The following MAFB variants were observed in gnomAD, a reference collection of about 807,000 sequenced individuals.
MAFB encodes MAF bZIP transcription factor B.
In MAFB, 3 loss-of-function variants were observed where a neutral mutation model predicts 17.7. That is an observed-to-expected ratio of 0.17 (90% CI 0.08 to 0.44). MAFB has a LOEUF of 0.44. Ranked by LOEUF, MAFB falls within the 20% of genes least tolerant of loss-of-function variation. MAFB has a pLI of 0.99. For synonymous variants in MAFB, 214 were observed against 211.5 expected (o/e 1.01, Z -0.10); for missense variants, 355 against 461.3 (o/e 0.77, Z 2.11).
chr20:40,687,354 T>G lies in MAFB; in HGVS notation c.*525A>C, dbSNP rs1006774052. ...CCTGTGTCTCAGGGCTGAGAGCCAG[T>G]GTTCTCCGAACTCTGACAGACAGGT... On this transcript the variant is annotated 3_prime_UTR_variant, in exon 1 of 1. Transcript: ENST00000373313. 1 of 397,208 alleles carries G rather than the reference T, an allele frequency of 2.5e-6. No homozygotes were observed. Among genetic ancestry groups the G allele is most frequent in the Non-Finnish European group, 4.4e-6 (1 of 225,352 alleles). 24.6% of individuals were successfully genotyped at this position (397,208 alleles called of 1,614,324 possible). A position where few individuals can be genotyped will look rare whatever the true frequency, so the allele number is the denominator to read the frequency against.
chr20:40,686,737 T>G lies in MAFB; in HGVS notation c.*1142A>C. The G allele has an allele frequency of 2.5e-6, 1 of 398,700 alleles. No homozygotes were observed. Among genetic ancestry groups the G allele is most frequent in the East Asian group, 3.6e-5 (1 of 28,086 alleles). 24.7% of individuals were successfully genotyped at this position (398,700 alleles called of 1,614,324 possible). ...ACAAGGCTGTAGTCCAGAACACTCC[T>G]CTGGGGTGCGGAGCTTGGCAGCTTC... is the stretch of plus-strand genomic sequence containing the variant. On this transcript the variant is annotated 3_prime_UTR_variant, in exon 1 of 1. Coordinates refer to ENST00000373313, the MANE Select transcript of MAFB (RefSeq NM_005461.5).
Position 40,689,184 on chromosome 20 carries a change from T to G in MAFB, c.-334A>C. ...GCCCGTTGCTCGCTCTCTAGCTCTCTTGCTCTTACGCTCTCTCGCTCGCAG... is the reference window on the plus strand; with the variant it reads ...GCCCGTTGCTCGCTCTCTAGCTCTCGTGCTCTTACGCTCTCTCGCTCGCAG... On this transcript the variant is annotated 5_prime_UTR_variant, in exon 1 of 1. Transcript: ENST00000373313. 2 of 347,250 alleles carry G rather than the reference T, an allele frequency of 5.8e-6. No individual in the cohort carries two copies. The highest frequency in any genetic ancestry group is 1.1e-5 in the Non-Finnish European group (2 of 189,990). 21.5% of individuals were successfully genotyped at this position (347,250 alleles called of 1,614,324 possible). A position where few individuals can be genotyped will look rare whatever the true frequency, so the allele number is the denominator to read the frequency against.
Position 40,687,720 on chromosome 20 carries a change from C to A in MAFB, c.*159G>T, listed in dbSNP as rs1032221236. On this transcript the variant is annotated 3_prime_UTR_variant, in exon 1 of 1. Transcript: ENST00000373313. Reference sequence around the variant, plus strand: ...TCCCCTGCCCGCCCGCGCACCCGCCCGTCGCCCGCGGCCCGCGCGCCCTTC... The same window carrying A: ...TCCCCTGCCCGCCCGCGCACCCGCCAGTCGCCCGCGGCCCGCGCGCCCTTC... 1.1e-6 allele frequency: 1 copy of A among 926,678 alleles called. No individual in the cohort carries two copies. Among genetic ancestry groups the A allele is most frequent in the Admixed American group, 2.9e-5 (1 of 34,502 alleles). The allele number at this position is 926,678 out of a possible 1,614,324, so 57.4% of individuals were successfully genotyped here. A position where few individuals can be genotyped will look rare whatever the true frequency, so the allele number is the denominator to read the frequency against.
Position 40,687,909 on chromosome 20 carries a change from G to T in MAFB, c.942C>A (p.Asp314Glu), listed in dbSNP as rs1986869729. 6.2e-7 allele frequency: 1 copy of T among 1,612,298 alleles called. No individual in the cohort carries two copies. ...GAAAGAACTCGGGAGAGGAGGGGCT[G>T]TCGCTGGTGGAGCCCGCCTCCCTGA... ...SGFREAGSTS[D>E]SPSSPEFFL The change falls in exon 1 of 1, where the codon GAC (aspartate) becomes GAA (glutamate). Residue 314 changes from aspartate (D) to glutamate (E), a missense_variant. Coordinates refer to ENST00000373313, the MANE Select transcript of MAFB (RefSeq NM_005461.5).
rs1600428075 is a variant in MAFB at position 40,687,345 on chromosome 20, G to T, written c.*534C>A. On this transcript the variant is annotated 3_prime_UTR_variant, in exon 1 of 1. Coordinates refer to ENST00000373313, the MANE Select transcript of MAFB (RefSeq NM_005461.5). Reference sequence around the variant, plus strand: ...TAACTGAGGCCTGTGTCTCAGGGCTGAGAGCCAGTGTTCTCCGAACTCTGA... The same window carrying T: ...TAACTGAGGCCTGTGTCTCAGGGCTTAGAGCCAGTGTTCTCCGAACTCTGA... 2.5e-6 allele frequency: 1 copy of T among 397,658 alleles called. No individual in the cohort carries two copies. Among genetic ancestry groups the T allele is most frequent in the East Asian group, 3.6e-5 (1 of 27,840 alleles). The allele number at this position is 397,658 out of a possible 1,614,324, so 24.6% of individuals were successfully genotyped here.
In MAFB at chr20:40,686,657, G is replaced by A. The variant is rs1180138165; in HGVS notation, c.*1222C>T. 3 of 398,346 alleles carry A rather than the reference G, an allele frequency of 7.5e-6. No individual in the cohort carries two copies. Among genetic ancestry groups the A allele is most frequent in the Non-Finnish European group, 1.3e-5 (3 of 226,086 alleles). 24.7% of individuals were successfully genotyped at this position (398,346 alleles called of 1,614,324 possible). A position where few individuals can be genotyped will look rare whatever the true frequency, so the allele number is the denominator to read the frequency against. The stretch of plus-strand genomic sequence containing the variant: ...TGGTTACAATAAAAAGCAGAGGGGA[G>A]GATCTGTTTTCCTTTCCTTTCCTTT... On this transcript the variant is annotated 3_prime_UTR_variant, in exon 1 of 1. Coordinates refer to ENST00000373313, the MANE Select transcript of MAFB (RefSeq NM_005461.5).
chr20:40,685,929 T>C lies in MAFB; in HGVS notation c.*1950A>G, dbSNP rs966664786. ...AATAACCAAAAAACAGAAACCAGTC[T>C]GAATAAAACTACAATAGACTAGGTT... On this transcript the variant is annotated 3_prime_UTR_variant, in exon 1 of 1. Coordinates refer to ENST00000373313, the MANE Select transcript of MAFB (RefSeq NM_005461.5). The C allele has an allele frequency of 1.6e-5, 3 of 184,788 alleles. No individual in the cohort carries two copies. Among genetic ancestry groups the C allele is most frequent in the Non-Finnish European group, 3.4e-5 (3 of 86,970 alleles). The allele number at this position is 184,788 out of a possible 1,614,324, so 11.4% of individuals were successfully genotyped here.
In MAFB at chr20:40,688,095, G is replaced by A. The variant is rs1241243940; in HGVS notation, c.756C>T (p.Ala252=). The change falls in exon 1 of 1, where the codon GCC becomes GCT. Residue 252 remains alanine (A), a synonymous_variant. Transcript: ENST00000373313. ...KRRTLKNRGY[A]QSCRYKRVQQ... is the part of the protein sequence containing the mutation. ...GGACGCGTTTATACCTGCAAGACTGGGCGTAGCCCCGGTTCTTCAGGGTCC... is the reference window on the plus strand; with the variant it reads ...GGACGCGTTTATACCTGCAAGACTGAGCGTAGCCCCGGTTCTTCAGGGTCC... 3.1e-6 allele frequency: 5 copies of A among 1,613,946 alleles called. No individual in the cohort carries two copies. The highest frequency in any genetic ancestry group is 4.2e-6 in the Non-Finnish European group (5 of 1,180,036).
At position 40,687,575 on chromosome 20, in the gene MAFB, C is replaced by T; in HGVS notation, c.*304G>A. On this transcript the variant is annotated 3_prime_UTR_variant, in exon 1 of 1. Transcript: ENST00000373313. The stretch of plus-strand genomic sequence containing the variant: ...TTGGTGACTTCTCGGGACTATGCCT[C>T]GCCGCCCTTCAGCCTGGAGAGAAGT... 1 of 544,442 alleles carries T rather than the reference C, an allele frequency of 1.8e-6. No homozygotes were observed. The highest frequency in any genetic ancestry group is 2.5e-5 in the South Asian group (1 of 39,328). 33.7% of individuals were successfully genotyped at this position (544,442 alleles called of 1,614,324 possible). A position where few individuals can be genotyped will look rare whatever the true frequency, so the allele number is the denominator to read the frequency against.
In MAFB at chr20:40,687,678, T is replaced by C; in HGVS notation, c.*201A>G. 1.6e-6 allele frequency: 1 copy of C among 638,410 alleles called. No individual in the cohort carries two copies. Among genetic ancestry groups the C allele is most frequent in the Non-Finnish European group, 2.7e-6 (1 of 372,414 alleles). 39.5% of individuals were successfully genotyped at this position (638,410 alleles called of 1,614,324 possible). ...AGGAGGCGGCGCTGGCGTGCGCTAC[T>C]CTCGCCTTAGCCAAGGTCCCCTGCC... On this transcript the variant is annotated 3_prime_UTR_variant, in exon 1 of 1. Coordinates refer to ENST00000373313, the MANE Select transcript of MAFB (RefSeq NM_005461.5).
chr20:40,688,446 A>ACGG lies in MAFB; in HGVS notation c.404_405insCCG (p.His135_His136insArg). The ACGG allele has an allele frequency of 6.3e-7, 1 of 1,598,818 alleles. No individual in the cohort carries two copies. The highest frequency in any genetic ancestry group is 8.5e-7 in the Non-Finnish European group (1 of 1,176,888). The stretch of plus-strand genomic sequence containing the variant: ...CGTGGTGCGGGTGAGGGTGGTGGTG[A>ACGG]TGGTGGTGGTGGTGAGCGCCGCGAA... On this transcript the variant is annotated inframe_insertion, in exon 1 of 1. Coordinates refer to ENST00000373313, the MANE Select transcript of MAFB (RefSeq NM_005461.5).
In MAFB at chr20:40,688,653, G is replaced by A. The variant is rs760834533; in HGVS notation, c.198C>T (p.Ser66=). 1.9e-6 allele frequency: 3 copies of A among 1,613,888 alleles called. No homozygotes were observed. The highest frequency in any genetic ancestry group is 2.2e-5 in the East Asian group (1 of 44,858). Residue 66 remains serine, a synonymous_variant, in exon 1 of 1, where the codon TCC becomes TCT. Coordinates refer to ENST00000373313, the MANE Select transcript of MAFB (RefSeq NM_005461.5). The stretch of plus-strand genomic sequence containing the variant: ...GGCTGAAGCTGGGCGACGAGGGCAC[G>A]GAGCTACACGGAGTGCTGAGCGGTG... The part of the protein sequence containing the change: ...SSTPLSTPCS[S]VPSSPSFSPT...
chr20:40,686,998 C>T lies in MAFB; in HGVS notation c.*881G>A, dbSNP rs886056666. 2.5e-6 allele frequency: 1 copy of T among 397,876 alleles called. No homozygotes were observed. The highest frequency in any genetic ancestry group is 4.4e-6 in the Non-Finnish European group (1 of 225,918). The allele number at this position is 397,876 out of a possible 1,614,324, so 24.6% of individuals were successfully genotyped here. ...CAAACAAAAATACCGTAATAATAAA[C>T]CCAAACAAAGACCCTCAGCTTGCTG... On this transcript the variant is annotated 3_prime_UTR_variant, in exon 1 of 1. Coordinates refer to ENST00000373313, the MANE Select transcript of MAFB (RefSeq NM_005461.5).
At position 40,686,482 on chromosome 20, in the gene MAFB, C is replaced by A; in HGVS notation, c.*1397G>T. ...CTTGCCAATGTTTGGGTTTCTGGTACATTCTGAGCATAGCAGTTGGTTCAG... is the reference window on the plus strand; with the variant it reads ...CTTGCCAATGTTTGGGTTTCTGGTAAATTCTGAGCATAGCAGTTGGTTCAG... On this transcript the variant is annotated 3_prime_UTR_variant, in exon 1 of 1. Transcript: ENST00000373313. 1 of 387,172 alleles carries A rather than the reference C, an allele frequency of 2.6e-6. No homozygotes were observed. 24.0% of individuals were successfully genotyped at this position (387,172 alleles called of 1,614,324 possible).
rs1986841968 is a variant in MAFB at position 40,686,928 on chromosome 20, G to A, written c.*951C>T. On this transcript the variant is annotated 3_prime_UTR_variant, in exon 1 of 1. Transcript: ENST00000373313. The stretch of plus-strand genomic sequence containing the variant: ...CCCCAAGACAAAGTTGTTTTCTGAT[G>A]CAAAATGCCCGGAACTTTTTCTTTT... The A allele has an allele frequency of 2.5e-6, 1 of 397,454 alleles. No homozygotes were observed. The highest frequency in any genetic ancestry group is 4.4e-6 in the Non-Finnish European group (1 of 226,020). 24.6% of individuals were successfully genotyped at this position (397,454 alleles called of 1,614,324 possible).
Position 40,687,800 on chromosome 20 carries a change from T to G in MAFB, c.*79A>C, listed in dbSNP as rs1600428351. The G allele has an allele frequency of 6.7e-7, 1 of 1,496,396 alleles. No individual in the cohort carries two copies. Among genetic ancestry groups the G allele is most frequent in the Non-Finnish European group, 9.0e-7 (1 of 1,112,606 alleles). The allele number at this position is 1,496,396 out of a possible 1,614,324, so 92.7% of individuals were successfully genotyped here. On this transcript the variant is annotated 3_prime_UTR_variant, in exon 1 of 1. Transcript: ENST00000373313. ...GGCTGGGGCCGCGGCAGGGACAGGG[T>G]CCGGGGTAGTCTGGGACTAGGGACG...
In MAFB at chr20:40,687,808, A is replaced by T; in HGVS notation, c.*71T>A. ...CCGCGGCAGGGACAGGGTCCGGGGT[A>T]GTCTGGGACTAGGGACGTGGGACAG... On this transcript the variant is annotated 3_prime_UTR_variant, in exon 1 of 1. Coordinates refer to ENST00000373313, the MANE Select transcript of MAFB (RefSeq NM_005461.5). 6.6e-7 allele frequency: 1 copy of T among 1,517,270 alleles called. No individual in the cohort carries two copies. The highest frequency in any genetic ancestry group is 8.9e-7 in the Non-Finnish European group (1 of 1,124,180). 94.0% of individuals were successfully genotyped at this position (1,517,270 alleles called of 1,614,324 possible). A position where few individuals can be genotyped will look rare whatever the true frequency, so the allele number is the denominator to read the frequency against.
chr20:40,687,874 A>G lies in MAFB; in HGVS notation c.*5T>C. Reference sequence around the variant, plus strand: ...GCAAGGGCGGGGGCCAGGACCGGCCACGACTCACAGAAAGAACTCGGGAGA... The same window carrying G: ...GCAAGGGCGGGGGCCAGGACCGGCCGCGACTCACAGAAAGAACTCGGGAGA... On this transcript the variant is annotated 3_prime_UTR_variant, in exon 1 of 1. Coordinates refer to ENST00000373313, the MANE Select transcript of MAFB (RefSeq NM_005461.5). The G allele has an allele frequency of 6.2e-7, 1 of 1,608,252 alleles. No individual in the cohort carries two copies. Among genetic ancestry groups the G allele is most frequent in the Non-Finnish European group, 8.5e-7 (1 of 1,179,788 alleles).
Position 40,689,135 on chromosome 20 carries a change from G to T in MAFB, c.-285C>A. 1 of 421,878 alleles carries T rather than the reference G, an allele frequency of 2.4e-6. No individual in the cohort carries two copies. The highest frequency in any genetic ancestry group is 3.8e-5 in the East Asian group (1 of 26,130). The allele number at this position is 421,878 out of a possible 1,614,324, so 26.1% of individuals were successfully genotyped here. On this transcript the variant is annotated 5_prime_UTR_variant, in exon 1 of 1. Coordinates refer to ENST00000373313, the MANE Select transcript of MAFB (RefSeq NM_005461.5). Reference sequence around the variant, plus strand: ...AGAGGCAAGCGGAGCGCGCGGTGGGGCTGAGGGGAGGCGTGGGGCGAGTGC... The same window carrying T: ...AGAGGCAAGCGGAGCGCGCGGTGGGTCTGAGGGGAGGCGTGGGGCGAGTGC...
Sources: gnomAD v4.1 joint callset for allele counts on GRCh38, gnomAD v4.1.1 for gene constraint, MANE v1.5 for transcripts, NCBI Gene and HGNC (gene_info 2026-07-23, HGNC 2026-07-21) for gene names.